The following ZNF462 variants were observed in gnomAD, a reference collection of about 807,000 sequenced individuals.
ZNF462 encodes the protein zinc finger protein 462.
A neutral mutation model predicts 201.9 loss-of-function variants in ZNF462; 10 were observed. The observed-to-expected ratio is 0.05, with a 90% CI of 0.03 to 0.08. The LOEUF is 0.08. ZNF462 is among the 10% of genes least tolerant of loss of function. The pLI, the probability that ZNF462 is intolerant of heterozygous loss-of-function variation, is 1.00. For missense variants in ZNF462, 2,523 were observed against 3,168.3 expected (o/e 0.80, Z 4.89); for synonymous variants, 1,227 against 1,193.3 (o/e 1.03, Z -0.58).
In ZNF462 at chr9:106,874,593, A is replaced by G. The variant is rs184580518; in HGVS notation, c.-31+11238A>G. On this transcript the variant is annotated intron_variant, in intron 1 of 12. Transcript: ENST00000277225. ...TTCATTCTCTTGAAAAGAAAACCAC[A>G]TTTTCAAAGACAGATTCTATGATAA... Among the ~76,000 whole-genome samples the G allele has an allele frequency of 8.7e-4, 133 of 152,272 alleles. 2 individuals carry two copies. Among genetic ancestry groups the G allele is most frequent in the Admixed American group, 3.9e-4 (6 of 15,294 alleles).
chr9:106,934,189 G>A lies in ZNF462; in HGVS notation c.6117-1314G>A. Among the ~76,000 whole-genome samples, 5 of 151,318 alleles carry A rather than the reference G, an allele frequency of 3.3e-5. 1 individual carries two copies. The Middle Eastern group carries it at 0.017, about 525-fold the overall frequency. ...TATTATCATCTTATGAATAAGAAGA[G>A]TAAAGCCTAGAAAAATTAAGTAATT... On this transcript the variant is annotated intron_variant, in intron 5 of 12. Coordinates refer to ENST00000277225, the MANE Select transcript of ZNF462 (RefSeq NM_021224.6).
At chr9:106,910,526 T>G (rs1048579308) in intron 1 of ZNF462, among the ~76,000 whole-genome samples, 1 of 152,122 alleles carries the variant, frequency 6.6e-6, no homozygotes, top group African/African-American at 2.4e-5. Context: ...CTTGATGGCT[T>G]GACTTGCTTC....
At position 107,005,391 on chromosome 9, in the gene ZNF462, T is replaced by C. The variant is rs1314649028; in HGVS notation, c.7189+1965T>C. Among the ~76,000 whole-genome samples the C allele has an allele frequency of 2.0e-5, 3 of 152,336 alleles. No individual in the cohort carries two copies. Among genetic ancestry groups the C allele is most frequent in the African/African-American group, 7.2e-5 (3 of 41,588 alleles). ...TCTAGCATGTTATCTTCACTCTTTT[T>C]GATAATAGCCTCGTAACAGGTGTGA... On this transcript the variant is annotated intron_variant, in intron 11 of 12. Transcript: ENST00000277225. This position sits in a 1 kb window ranked among gnomAD's most constrained non-coding sequence, Gnocchi z 4.4.
upstream of ZNF462, among the ~76,000 whole-genome samples, chr9:106,862,835 C>T (rs1320624419): frequency 1.3e-5 from 2 of 152,092 alleles, no homozygotes; most frequent in Non-Finnish European, 2.9e-5. The surrounding 1 kb of genome is among the most constrained non-coding windows in gnomAD (Gnocchi z 4.2). Context: ...TTCCTCATTT[C>T]TTTCTTTCTT....
chr9:107,001,321 T>C (rs189623160), intron 10 of ZNF462, among the ~76,000 whole-genome samples: 89 of 152,322 alleles, frequency 5.8e-4, no homozygotes, highest in Non-Finnish European at 1.0e-3. Flanking sequence ...TTCGTAAATA[T>C]GCATTTACAA....
Position 106,930,314 on chromosome 9 carries a change from C to A in ZNF462, c.5848-211C>A, listed in dbSNP as rs965544059. Among the ~76,000 whole-genome samples the A allele has an allele frequency of 6.6e-6, 1 of 152,120 alleles. No individual in the cohort carries two copies. The highest frequency in any genetic ancestry group is 2.4e-5 in the African/African-American group (1 of 41,422). On this transcript the variant is annotated intron_variant, in intron 3 of 12. Transcript: ENST00000277225. This position sits in a 1 kb window ranked among gnomAD's most constrained non-coding sequence, Gnocchi z 5.8. ...ACAGAAATCTTCTCTACTCACAAGC[C>A]GTAATGTATTTGGGTTTCAAAGACT...
At position 106,974,411 on chromosome 9, in the gene ZNF462, A is replaced by G. The variant is rs1276622894; in HGVS notation, c.6832+138A>G. The G allele has an allele frequency of 2.2e-6, 3 of 1,352,904 alleles. No individual in the cohort carries two copies. Among genetic ancestry groups the G allele is most frequent in the East Asian group, 4.6e-5 (2 of 43,496 alleles). 83.8% of individuals were successfully genotyped at this position (1,352,904 alleles called of 1,614,324 possible). On this transcript the variant is annotated intron_variant, in intron 9 of 12. Transcript: ENST00000277225. The surrounding 1 kb of genome is among the most constrained non-coding windows in gnomAD (Gnocchi z 4.0). ...TATCTTCAGGCAAGAAACCACAGTGATAACCACAGTGACAGCCAAAAGGGC... is the reference window on the plus strand; with the variant it reads ...TATCTTCAGGCAAGAAACCACAGTGGTAACCACAGTGACAGCCAAAAGGGC...
chr9:106,905,086 T>C lies in ZNF462; in HGVS notation c.-30-18268T>C, dbSNP rs1368115881. On this transcript the variant is annotated intron_variant, in intron 1 of 12. Coordinates refer to ENST00000277225, the MANE Select transcript of ZNF462 (RefSeq NM_021224.6). This position sits in a 1 kb window ranked among gnomAD's most constrained non-coding sequence, Gnocchi z 5.9. ...GGGAAGGTCTATGGCTGAAGACTGTTGTTCAGATTCTTTTGTCCCAAGGGG... is the reference window on the plus strand; with the variant it reads ...GGGAAGGTCTATGGCTGAAGACTGTCGTTCAGATTCTTTTGTCCCAAGGGG... Among the ~76,000 whole-genome samples the C allele has an allele frequency of 1.3e-5, 2 of 152,298 alleles. No homozygotes were observed. The highest frequency in any genetic ancestry group is 3.9e-4 in the East Asian group (2 of 5,176).
rs185933412 is a variant in ZNF462, at chr9:106,974,706, C to T, written c.6832+433C>T. The T allele has an allele frequency of 4.2e-6, 1 of 238,676 alleles. No individual in the cohort carries two copies. Among genetic ancestry groups the T allele is most frequent in the African/African-American group, 2.2e-5 (1 of 45,506 alleles). 14.8% of individuals were successfully genotyped at this position (238,676 alleles called of 1,614,324 possible). ...ATGATTTCCAAAGCAGAACATGGAA[C>T]TTCCCTTGAAATGGTTGAAGGGAGA... On this transcript the variant is annotated intron_variant, in intron 9 of 12. Coordinates refer to ENST00000277225, the MANE Select transcript of ZNF462 (RefSeq NM_021224.6). The surrounding 1 kb of genome is among the most constrained non-coding windows in gnomAD (Gnocchi z 4.0).
intron 10 of ZNF462, among the ~76,000 whole-genome samples, chr9:107,000,629 C>T (rs2132596995): frequency 6.6e-6 from 1 of 152,098 alleles, no homozygotes; most frequent in East Asian, 1.9e-4. Context: ...TTTTAATTGC[C>T]TAGCAAAGAT....
intron 1 of ZNF462, among the ~76,000 whole-genome samples, chr9:106,873,269 C>T (rs1004696238): frequency 1.3e-5 from 2 of 152,014 alleles, no homozygotes; most frequent in Non-Finnish European, 2.9e-5. Context: ...CTTAAGAGCG[C>T]CCTTTTCTGA....
chr9:106,907,969 G>A (rs1383919100), intron 1 of ZNF462, among the ~76,000 whole-genome samples: 1 of 151,764 alleles, frequency 6.6e-6, no homozygotes, highest in Non-Finnish European at 1.5e-5. Flanking sequence ...AAATTACTTA[G>A]GAGAATGTTA....
At chr9:106,861,097 A>C (rs887162408), upstream of ZNF462, among the ~76,000 whole-genome samples, 4 of 148,928 alleles carry the variant, frequency 2.7e-5, no homozygotes, top group Non-Finnish European at 6.0e-5. Flanking sequence ...TTATTTATTT[A>C]TTTATCACCC....
At chr9:106,951,053 G>A (rs1339123994) in intron 7 of ZNF462, among the ~76,000 whole-genome samples, 4 of 151,450 alleles carry the variant, frequency 2.6e-5, no homozygotes, top group African/African-American at 9.7e-5. Context: ...TCACACCACT[G>A]CACTCCAGCC....
chr9:106,944,322 A>C (rs760201433), intron 7 of ZNF462, among the ~76,000 whole-genome samples: 1 of 152,208 alleles, frequency 6.6e-6, no homozygotes, highest in Non-Finnish European at 1.5e-5. Flanking sequence ...ATTCTACCTG[A>C]AAACTTTTCC....
intron 1 of ZNF462, among the ~76,000 whole-genome samples, chr9:106,892,725 C>T (rs192354039): frequency 1.3e-3 from 193 of 151,052 alleles, no homozygotes; most frequent in African/African-American, 4.6e-3. Context: ...CACACACACA[C>T]ATGTTATGCA....
chr9:106,867,381 A>G (rs1209898677), intron 1 of ZNF462, among the ~76,000 whole-genome samples: 1 of 152,194 alleles, frequency 6.6e-6, no homozygotes, highest in Non-Finnish European at 1.5e-5. Flanking sequence ...CATGGCTCTA[A>G]TATATCACAG....
chr9:106,945,578 G>A (rs948125799), intron 7 of ZNF462, among the ~76,000 whole-genome samples: 5 of 152,106 alleles, frequency 3.3e-5, no homozygotes, highest in African/African-American at 9.7e-5. Context: ...AATTTACATC[G>A]TTTATAGCAC....
chr9:107,010,979 A>G lies in ZNF462; in HGVS notation c.7470A>G (p.Val2490=), dbSNP rs1297640462. Residue 2490 remains valine (V), a synonymous_variant, in exon 13 of 13, where the codon GTA becomes GTG. Coordinates refer to ENST00000277225, the MANE Select transcript of ZNF462 (RefSeq NM_021224.6). This position sits in a 1 kb window ranked among gnomAD's most constrained non-coding sequence, Gnocchi z 4.6. ...SLKNETVAIC[V]VTADKSLLEN... Reference sequence around the variant, plus strand: ...AGAATGAAACAGTAGCCATCTGTGTAGTAACTGCCGACAAATCTCTCCTGG... The same window carrying G: ...AGAATGAAACAGTAGCCATCTGTGTGGTAACTGCCGACAAATCTCTCCTGG... 6.2e-7 allele frequency: 1 copy of G among 1,613,828 alleles called. No individual in the cohort carries two copies. Among genetic ancestry groups the G allele is most frequent in the Middle Eastern group, 1.7e-4 (1 of 6,056 alleles).
Sources: gnomAD v4.1 joint callset for allele counts (sites outside exome capture counted in the v4.1 genomes callset) on GRCh38, gnomAD v4.1.1 for gene constraint, Gnocchi (gnomAD v3.1) non-coding constraint, MANE v1.5 for transcripts, NCBI Gene and HGNC (gene_info 2026-07-23, HGNC 2026-07-21) for gene names.